Variants in ATP7B observed in about 807,000 individuals in gnomAD.
ATP7B encodes ATPase copper transporting beta, also known as copper-transporting ATPase 2.
ATP7B carries 113 observed loss-of-function variants against 118.9 expected under a neutral mutation model. That is an observed-to-expected ratio of 0.95 (90% CI 0.82 to 1.11). The LOEUF (loss-of-function observed/expected upper bound fraction) is 1.11, where lower values mean the gene tolerates loss of function less well. Ranked by LOEUF, ATP7B falls within the 50% of genes most tolerant of loss-of-function variation. The pLI, the probability that ATP7B is intolerant of heterozygous loss-of-function variation, is 0.00. For missense variants in ATP7B, 1,867 were observed against 1,871.4 expected, an observed-to-expected ratio of 1.00 and a Z score of 0.04; for synonymous variants, 777 against 727.4, an observed-to-expected ratio of 1.07 and a Z score of -1.10.
chr13:51,969,435 T>G (rs1487031746), intron 3 of ATP7B, among the ~76,000 whole-genome samples: 10 of 143,240 alleles, frequency 7.0e-5, no homozygotes, highest in Non-Finnish European at 1.2e-4. Context: ...AAGGATATCC[T>G]TTTTTTTTTT....
chr13:51,961,145 A>G (rs1958712810), intron 6 of ATP7B, among the ~76,000 whole-genome samples: 1 of 151,958 alleles, frequency 6.6e-6, no homozygotes, highest in South Asian at 2.1e-4. Context: ...TTTGAGGCTC[A>G]GATCTTATGT....
At chr13:52,011,898 G>A (rs543128530), upstream of ATP7B, 2 of 268,328 alleles carry the variant, frequency 7.5e-6, no homozygotes, top group Admixed American at 5.1e-5. Flanking sequence ...CGCCTGCGGG[G>A]AAGGTGCCCG....
intron 9 of ATP7B, among the ~76,000 whole-genome samples, chr13:51,951,754 C>T (rs1958022696): frequency 6.6e-6 from 1 of 152,114 alleles, no homozygotes; most frequent in Admixed American, 6.5e-5. Context: ...ACAAGTAGTT[C>T]CACAGGGGCA....
In ATP7B at chr13:51,949,086, G is replaced by A. The variant is rs2004988; in HGVS notation, c.2865+576C>T. On this transcript the variant is annotated intron_variant, in intron 12 of 20. Transcript: ENST00000242839. ...TCCCAGCTACTTGGGAGGCTGAGAC[G>A]GGAGAACTGGTTGAACCTGGGAGGT... 6.6e-3 allele frequency among the ~76,000 whole-genome samples: 997 copies of A among 152,196 alleles called. 7 individuals are homozygous for A. The highest frequency in any genetic ancestry group is 0.022 in the African/African-American group (910 of 41,512).
At chr13:51,969,584 G>C (rs1951741067) in intron 3 of ATP7B, among the ~76,000 whole-genome samples, 1 of 152,096 alleles carries the variant, frequency 6.6e-6, no homozygotes, top group Non-Finnish European at 1.5e-5. Flanking sequence ...TATTGTGTTA[G>C]TTTTACATGG....
At chr13:52,008,328 G>C (rs564809307) in intron 1 of ATP7B, among the ~76,000 whole-genome samples, 1 of 152,298 alleles carries the variant, frequency 6.6e-6, no homozygotes, top group South Asian at 2.1e-4. Context: ...AACAGAGTGA[G>C]ACTACCTCTC....
chr13:51,944,305 C>G lies in ATP7B; in HGVS notation c.3061-14G>C, dbSNP rs749583347. ...CACAGTCTTTATCTGCCAAAAACAA[C>G]CACAACTCACTGACCACAATACAGA... is the stretch of plus-strand genomic sequence containing the variant. On this transcript the variant is annotated splice_polypyrimidine_tract_variant and intron_variant, in intron 13 of 20. Coordinates refer to ENST00000242839, the MANE Select transcript of ATP7B (RefSeq NM_000053.4). The G allele has an allele frequency of 6.2e-7, 1 of 1,613,622 alleles. No homozygotes were observed. The highest frequency in any genetic ancestry group is 8.5e-7 in the Non-Finnish European group (1 of 1,179,978).
chr13:51,999,003 G>A (rs147680501), intron 1 of ATP7B, among the ~76,000 whole-genome samples: 4 of 152,296 alleles, frequency 2.6e-5, no homozygotes, highest in African/African-American at 2.4e-5. Flanking sequence ...CATTAAAGCT[G>A]CATATGTTGG....
In ATP7B at chr13:51,974,048, G is replaced by A. The variant is rs750724856; in HGVS notation, c.1172C>T (p.Ser391Leu). The change falls in exon 2 of 21, where the codon TCG (serine) becomes TTG (leucine). Residue 391 changes from serine (S) to leucine (L), a missense_variant. By Grantham distance (145) the Ser-to-Leu change is moderately radical (BLOSUM62 -2). Transcript: ENST00000242839. ...ISQLEGVQQI[S>L]VSLAEGTATV... is the part of the protein sequence containing the mutation. Reference sequence around the variant, plus strand: ...TGCAGTCCCTTCGGCCAAAGACACCGATATTTGCTGCACCCCTTCCAGTTG... The same window carrying A: ...TGCAGTCCCTTCGGCCAAAGACACCAATATTTGCTGCACCCCTTCCAGTTG... 107 of 1,614,056 alleles carry A rather than the reference G, an allele frequency of 6.6e-5. No homozygotes were observed. The highest frequency in any genetic ancestry group is 1.6e-4 in the Middle Eastern group (1 of 6,084).
chr13:51,944,378 C>T, intron 13 of ATP7B, 87 bp from the exon 14 acceptor site: 1 of 1,529,432 alleles, frequency 6.5e-7, no homozygotes, highest in Non-Finnish European at 8.9e-7. Context: ...TTCACCCAAC[C>T]TGCCTCAGAC....
Position 51,974,928 on chromosome 13 carries a change from C to CA in ATP7B, c.291dup (p.Ala98CysfsTer65), listed in dbSNP as rs1566603492. ...ACCGATGGCACATATTTCACAGTGG[C>CA]ACTGCCTTGTTCCAGGGAAACCTTC... On this transcript the variant is annotated frameshift_variant, in exon 2 of 21. Coordinates refer to ENST00000242839, the MANE Select transcript of ATP7B (RefSeq NM_000053.4). LOFTEE classifies it high-confidence loss of function. The CA allele has an allele frequency of 1.9e-6, 3 of 1,614,240 alleles. No individual in the cohort carries two copies. The African/African-American group carries it at 4.0e-5, about 22-fold the overall frequency.
chr13:51,941,188 T>A lies in ATP7B; in HGVS notation c.3449A>T (p.Asn1150Ile). The A allele has an allele frequency of 6.2e-7, 1 of 1,614,040 alleles. No individual in the cohort carries two copies. Among genetic ancestry groups the A allele is most frequent in the South Asian group, 1.1e-5 (1 of 91,064 alleles). ...VPQTFSVLIGNREWLRRNGLT... is the reference protein window; with the variant it reads ...VPQTFSVLIGIREWLRRNGLT... ...ACCGTTGCGCCTCAGCCACTCACGG[T>A]TTCCAATCAGCACAGAGAAGGTCTG... The change falls in exon 16 of 21, where the codon AAC becomes ATC. Residue 1150 changes from asparagine (N) to isoleucine (I), a missense_variant. Asn to Ile is a moderately radical substitution (Grantham distance 149, BLOSUM62 -3). Transcript: ENST00000242839.
At chr13:51,982,644 T>C (rs1174044194) in intron 1 of ATP7B, among the ~76,000 whole-genome samples, 1 of 152,112 alleles carries the variant, frequency 6.6e-6, no homozygotes, top group Non-Finnish European at 1.5e-5. Context: ...GATGGCCGAA[T>C]AGGAACAGCT....
Position 52,011,371 on chromosome 13 carries a change from T to A in ATP7B, c.-34A>T. 6.2e-7 allele frequency: 1 copy of A among 1,613,972 alleles called. No homozygotes were observed. Among genetic ancestry groups the A allele is most frequent in the Non-Finnish European group, 8.5e-7 (1 of 1,179,806 alleles). Reference sequence around the variant, plus strand: ...ACGGACACCGAATTCTTCTCTGATCTGGCTCAGAGCAAAAGGTCACCTGGT... The same window carrying A: ...ACGGACACCGAATTCTTCTCTGATCAGGCTCAGAGCAAAAGGTCACCTGGT... On this transcript the variant is annotated 5_prime_UTR_variant, in exon 1 of 21. Transcript: ENST00000242839.
chr13:51,978,502 C>A (rs1952237341), intron 1 of ATP7B, among the ~76,000 whole-genome samples: 1 of 152,212 alleles, frequency 6.6e-6, no homozygotes, highest in Admixed American at 6.5e-5. Context: ...AGCAACTCTA[C>A]TTCTAAGAAT....
At chr13:51,993,926 C>A (rs1593849639) in intron 1 of ATP7B, among the ~76,000 whole-genome samples, 1 of 152,132 alleles carries the variant, frequency 6.6e-6, no homozygotes, top group East Asian at 1.9e-4. Context: ...TGAAGAGGCT[C>A]CCCTAGTCAG....
At position 51,944,266 on chromosome 13, in the gene ATP7B, GT is replaced by G; in HGVS notation, c.3085del (p.Thr1029LeufsTer92). 26 of 1,614,074 alleles carry G rather than the reference GT, an allele frequency of 1.6e-5. No individual in the cohort carries two copies. The highest frequency in any genetic ancestry group is 2.0e-5 in the Non-Finnish European group (24 of 1,180,026). ...HKIKTVMFDK[T>X]GTITHGVPRV... ...GGGGACGCCATGGGTAATGGTGCCA[GT>G]CTTGTCAAACATCACAGTCTTTATC... On this transcript the variant is annotated frameshift_variant, in exon 14 of 21. Coordinates refer to ENST00000242839, the MANE Select transcript of ATP7B (RefSeq NM_000053.4). LOFTEE classifies it high-confidence loss of function.
intron 1 of ATP7B, among the ~76,000 whole-genome samples, chr13:51,977,077 T>A (rs1288986871): frequency 6.6e-6 from 1 of 152,184 alleles, no homozygotes; most frequent in Non-Finnish European, 1.5e-5. Flanking sequence ...GCAGGAGGAC[T>A]GCTTGAGCCC....
chr13:51,961,811 G>C (rs1307060133), intron 6 of ATP7B, 26 bp downstream of exon 6: 20 of 1,602,560 alleles, frequency 1.2e-5, no homozygotes, highest in Non-Finnish European at 1.6e-5. Context: ...ATGAGAGCTG[G>C]AGTTTATCTT....
Sources: allele counts gnomAD v4.1 joint callset (sites outside exome capture counted in the v4.1 genomes callset), GRCh38; gene constraint gnomAD v4.1.1; transcripts MANE v1.5; gene names NCBI Gene and HGNC (gene_info 2026-07-23, HGNC 2026-07-21).